Variants in MTMR14 observed in about 807,000 individuals in gnomAD.
MTMR14 encodes myotubularin related protein 14.
A neutral mutation model predicts 86.3 loss-of-function variants in MTMR14; 48 were observed. The ratio of observed to expected loss-of-function variants is 0.56; its 90% CI spans 0.44 to 0.71. The LOEUF (loss-of-function observed/expected upper bound fraction) is 0.71, where lower values mean the gene tolerates loss of function less well. Among genes scored for constraint, MTMR14 ranks in the 30% least tolerant of loss-of-function variants. The probability of loss-of-function intolerance (pLI) is 0.00; values close to 1 mark genes in which losing one functional copy is unlikely to be tolerated. For synonymous variants in MTMR14, 366 were observed against 326.1 expected, an observed-to-expected ratio of 1.12 and a Z score of -1.32; for missense variants, 780 against 834.6, an observed-to-expected ratio of 0.93 and a Z score of 0.81.
In MTMR14 at chr3:9,656,697, T is replaced by C. The variant is rs544368976; in HGVS notation, c.308+2928T>C. Among the ~76,000 whole-genome samples the C allele has an allele frequency of 3.9e-5, 6 of 152,258 alleles. No individual in the cohort carries two copies. In the East Asian group the frequency reaches 7.7e-4, roughly 20 times the overall value. On this transcript the variant is annotated intron_variant, in intron 2 of 18. Transcript: ENST00000296003. The stretch of plus-strand genomic sequence containing the variant: ...GCCTCCCAAAGTGCTGGATTACAGG[T>C]GTGAGCCACCGCGCCCAGCTGGGTA...
chr3:9,696,349 A>G (rs1195907633), intron 17 of MTMR14, among the ~76,000 whole-genome samples: 1 of 152,056 alleles, frequency 6.6e-6, no homozygotes, highest in Non-Finnish European at 1.5e-5. Flanking sequence ...AATAGACACA[A>G]AAAAATTAGC....
At chr3:9,659,282 T>C (rs1402366765) in intron 2 of MTMR14, among the ~76,000 whole-genome samples, 1 of 152,114 alleles carries the variant, frequency 6.6e-6, no homozygotes, top group African/African-American at 2.4e-5. Context: ...GAAATTTCAG[T>C]GCATACATTA....
At chr3:9,681,054 C>T (rs2075752244) in intron 9 of MTMR14, among the ~76,000 whole-genome samples, 1 of 152,190 alleles carries the variant, frequency 6.6e-6, no homozygotes, top group Non-Finnish European at 1.5e-5. Flanking sequence ...AGTTGCACAC[C>T]TGCAGTGGTT....
Position 9,685,976 on chromosome 3 carries a change from G to A in MTMR14, c.1164+729G>A, listed in dbSNP as rs4684649. 3.0e-3 allele frequency among the ~76,000 whole-genome samples: 460 copies of A among 152,196 alleles called. 2 individuals are homozygous for A. Among genetic ancestry groups the A allele is most frequent in the Admixed American group, 0.018 (275 of 15,296 alleles). On this transcript the variant is annotated intron_variant, in intron 13 of 18. Transcript: ENST00000296003. ...CAAGCGTGAGAGAATGAGTCCAGGTGCCCAGCATGGAAGCTGTCCCACGGT... is the reference window on the plus strand; with the variant it reads ...CAAGCGTGAGAGAATGAGTCCAGGTACCCAGCATGGAAGCTGTCCCACGGT...
At chr3:9,688,317 C>T (rs1369713472) in intron 14 of MTMR14, among the ~76,000 whole-genome samples, 1 of 152,238 alleles carries the variant, frequency 6.6e-6, no homozygotes, top group Admixed American at 6.5e-5. Flanking sequence ...AAGTCTGCTT[C>T]CGGCCTGGGA....
At position 9,690,000 on chromosome 3, in the gene MTMR14, C is replaced by T; in HGVS notation, c.1470C>T (p.Leu490=). The T allele has an allele frequency of 6.2e-7, 1 of 1,611,812 alleles. No homozygotes were observed. The highest frequency in any genetic ancestry group is 8.5e-7 in the Non-Finnish European group (1 of 1,179,832). ...ACTCATCCTCTCCACAGAGTGTCCT[C>T]TGGAACCGGCCACAACCCTCAGAGG... is the stretch of plus-strand genomic sequence containing the variant. ...KSHSSSPQSV[L]WNRPQPSEDR... The change falls in exon 17 of 19, where the codon CTC becomes CTT. Residue 490 remains leucine, a synonymous_variant. Transcript: ENST00000296003.
intron 7 of MTMR14, among the ~76,000 whole-genome samples, chr3:9,673,096 C>T (rs985381642): frequency 6.6e-5 from 10 of 152,198 alleles, no homozygotes; most frequent in African/African-American, 1.4e-4. Flanking sequence ...GTGGTCTGTG[C>T]ATGAAAATAC....
At chr3:9,686,714 G>A (rs562999264) in intron 13 of MTMR14, among the ~76,000 whole-genome samples, 5 of 152,348 alleles carry the variant, frequency 3.3e-5, no homozygotes, top group East Asian at 3.9e-4. Flanking sequence ...CTTGTGGGGG[G>A]CAGCTCCTTG....
chr3:9,701,452 C>CTTGTGCCTGGGAGG lies in MTMR14; in HGVS notation c.1770-335_1770-334insTGCCTGGGAGGTTG, dbSNP rs6147704. 3 of 345,960 alleles carry CTTGTGCCTGGGAGG rather than the reference C, an allele frequency of 8.7e-6. No homozygotes were observed. Among genetic ancestry groups the CTTGTGCCTGGGAGG allele is most frequent in the Admixed American group, 4.3e-5 (1 of 23,222 alleles). The allele number at this position is 345,960 out of a possible 1,614,324, so 21.4% of individuals were successfully genotyped here. ...TTGAGGGGCTGAGGTGGGAGGATGG[C>CTTGTGCCTGGGAGG]TTGAGGCTACAGTGAGCGCTGATTG... is the stretch of plus-strand genomic sequence containing the variant. On this transcript the variant is annotated intron_variant, in intron 18 of 18. Coordinates refer to ENST00000296003, the MANE Select transcript of MTMR14 (RefSeq NM_001077525.3). This position sits in a 1 kb window ranked among gnomAD's most constrained non-coding sequence, Gnocchi z 4.2.
intron 2 of MTMR14, among the ~76,000 whole-genome samples, chr3:9,661,896 G>A (rs2047957750): frequency 6.6e-6 from 1 of 151,918 alleles, no homozygotes; most frequent in African/African-American, 2.4e-5. Context: ...AGGCCAGCCT[G>A]GCCAACGTGG....
intron 17 of MTMR14, among the ~76,000 whole-genome samples, chr3:9,691,174 G>A (rs563303407): frequency 6.6e-6 from 1 of 152,330 alleles, no homozygotes; most frequent in South Asian, 2.1e-4. Flanking sequence ...TGCCCACAGG[G>A]GCCCCATGTG....
rs759504467 is a variant in MTMR14 at position 9,653,659 on chromosome 3, C to T, written c.198C>T (p.Gly66=). 7.6e-5 allele frequency: 123 copies of T among 1,613,986 alleles called. 2 individuals carry two copies. Among genetic ancestry groups the T allele is most frequent in the Non-Finnish European group, 7.5e-5 (88 of 1,180,044 alleles). Residue 66 remains glycine (G), a synonymous_variant, in exon 2 of 19, where the codon GGC becomes GGT. Coordinates refer to ENST00000296003, the MANE Select transcript of MTMR14 (RefSeq NM_001077525.3). ...RIEKRCLELF[G]RDYCFSVIPN... ...AGAAGAGATGTCTGGAGCTGTTTGGCCGAGACTACTGTTTCAGCGTGATTC... is the reference window on the plus strand; with the variant it reads ...AGAAGAGATGTCTGGAGCTGTTTGGTCGAGACTACTGTTTCAGCGTGATTC...
intron 1 of MTMR14, among the ~76,000 whole-genome samples, chr3:9,650,052 A>G (rs74826765): frequency 7.9e-5 from 12 of 152,122 alleles, no homozygotes; most frequent in African/African-American, 2.2e-4. Context: ...AGGAAGGTCT[A>G]TTCCCTGCTT....
At chr3:9,694,914 C>T (rs2076239955) in intron 17 of MTMR14, among the ~76,000 whole-genome samples, 1 of 152,190 alleles carries the variant, frequency 6.6e-6, no homozygotes, top group Non-Finnish European at 1.5e-5. Flanking sequence ...TGAAATGTTG[C>T]TGAGCTCCCA....
intron 2 of MTMR14, among the ~76,000 whole-genome samples, chr3:9,654,504 G>A (rs770118971): frequency 6.6e-6 from 1 of 152,216 alleles, no homozygotes; most frequent in African/African-American, 2.4e-5. Context: ...TAGGTAGTCA[G>A]TAAATGGTAT....
chr3:9,650,277 C>G (rs371595960), intron 1 of MTMR14: 1 of 456,362 alleles, frequency 2.2e-6, no homozygotes, highest in Non-Finnish European at 4.4e-6. Flanking sequence ...GTTCCTTTAT[C>G]TAAAGCAGGT....
intron 9 of MTMR14, among the ~76,000 whole-genome samples, chr3:9,681,890 C>CCTGCCCCAGCCTTGGGAACTTG (rs138291118): frequency 0.026 from 3,963 of 152,136 alleles, 164 homozygotes; most frequent in African/African-American, 0.089. Context: ...GCCTGTAGTT[C>CCTGCCCCAGCCTTGGGAACTTG]CTGCCCCAGC....
intron 9 of MTMR14, among the ~76,000 whole-genome samples, chr3:9,679,815 G>A (rs1296800419): frequency 6.6e-6 from 1 of 152,240 alleles, no homozygotes; most frequent in Non-Finnish European, 1.5e-5. Flanking sequence ...AGCTAATTCA[G>A]GGAAGTGAAC....
At chr3:9,673,872 T>G (rs192618521) in intron 7 of MTMR14, among the ~76,000 whole-genome samples, 1 of 151,460 alleles carries the variant, frequency 6.6e-6, no homozygotes. Flanking sequence ...TTGGGAAAGC[T>G]TCAGGGAACC....
Sources: allele counts gnomAD v4.1 joint callset (sites outside exome capture counted in the v4.1 genomes callset), GRCh38; gene constraint gnomAD v4.1.1; non-coding constraint Gnocchi (gnomAD v3.1); transcripts MANE v1.5; gene names NCBI Gene and HGNC (gene_info 2026-07-23, HGNC 2026-07-21).